The following CELSR1 variants were observed in gnomAD, a reference collection of about 807,000 sequenced individuals.
CELSR1 encodes the protein adhesion G protein-coupled receptor C1.
A neutral mutation model predicts 249.1 loss-of-function variants in CELSR1; 110 were observed. That is an observed-to-expected ratio of 0.44 (90% CI 0.38 to 0.52). The LOEUF is 0.52. Among genes scored for constraint, CELSR1 ranks in the 20% least tolerant of loss-of-function variants. The pLI, the probability that CELSR1 is intolerant of heterozygous loss-of-function variation, is 0.00. For synonymous variants in CELSR1, 2,113 were observed against 1,900.0 expected, an observed-to-expected ratio of 1.11 and a Z score of -2.92; for missense variants, 4,109 against 4,296.4, an observed-to-expected ratio of 0.96 and a Z score of 1.22.
intron 1 of CELSR1, among the ~76,000 whole-genome samples, chr22:46,480,819 A>C (rs1388612860): frequency 6.6e-6 from 1 of 152,226 alleles, no homozygotes. Flanking sequence ...CCAATTTAGC[A>C]CCACTTTTTT....
intron 1 of CELSR1, among the ~76,000 whole-genome samples, chr22:46,532,664 G>A (rs1013904186): frequency 1.3e-5 from 2 of 152,148 alleles, no homozygotes; most frequent in Non-Finnish European, 2.9e-5. Context: ...GCAGTAGTTT[G>A]GGCTTATAAA....
rs747018626 is a variant in CELSR1 at position 46,535,753 on chromosome 22, C to T, written c.1418G>A (p.Gly473Glu). 3.2e-5 allele frequency: 51 copies of T among 1,612,546 alleles called. No homozygotes were observed. The highest frequency in any genetic ancestry group is 4.2e-5 in the Non-Finnish European group (49 of 1,180,014). Reference sequence around the variant, plus strand: ...CACTCGCAGCACAGCCGTGTTGAGCCCCACGTCCTCGGGCACCTGGACCAC... The same window carrying T: ...CACTCGCAGCACAGCCGTGTTGAGCTCCACGTCCTCGGGCACCTGGACCAC... The part of the protein sequence containing the change: ...NYVVQVPEDV[G>E]LNTAVLRVQA... Residue 473 changes from glycine to glutamate, a missense_variant, in exon 1 of 35, where the codon GGG becomes GAG. By Grantham distance (98) the Gly-to-Glu change is moderately conservative (BLOSUM62 -2). Transcript: ENST00000674500.
intron 1 of CELSR1, among the ~76,000 whole-genome samples, chr22:46,493,087 T>G (rs980511757): frequency 6.6e-6 from 1 of 150,432 alleles, no homozygotes; most frequent in Non-Finnish European, 1.5e-5. Context: ...CTACAAAAAA[T>G]AAAAGTAAAA....
At chr22:46,483,347 T>C (rs1377378539) in intron 1 of CELSR1, among the ~76,000 whole-genome samples, 6 of 151,580 alleles carry the variant, frequency 4.0e-5, no homozygotes, top group Non-Finnish European at 7.4e-5. Context: ...GTCCTCACAG[T>C]TGAGCACACC....
At chr22:46,463,444 A>T (rs557126598) in intron 2 of CELSR1, among the ~76,000 whole-genome samples, 1 of 151,622 alleles carries the variant, frequency 6.6e-6, no homozygotes, top group African/African-American at 2.4e-5. Context: ...TGAACCGAGG[A>T]GGCGGAGGTT....
rs1415488041 is a variant in CELSR1 at position 46,448,756 on chromosome 22, CA to C, written c.4184-9346del. Among the ~76,000 whole-genome samples, 8 of 152,084 alleles carry C rather than the reference CA, an allele frequency of 5.3e-5. No homozygotes were observed. The highest frequency in any genetic ancestry group is 1.0e-4 in the Non-Finnish European group (7 of 68,004). Reference sequence around the variant, plus strand: ...AATTTCAAAGTCAGGTCATATCACGCAAATGCACAAAACCTGAAGTCAACTC... The same window carrying C: ...AATTTCAAAGTCAGGTCATATCACGCAATGCACAAAACCTGAAGTCAACTC... On this transcript the variant is annotated intron_variant, in intron 2 of 34. Coordinates refer to ENST00000674500, the MANE Select transcript of CELSR1 (RefSeq NM_001378328.1). The surrounding 1 kb of genome is among the most constrained non-coding windows in gnomAD (Gnocchi z 5.7).
At chr22:46,438,416 C>A (rs942005163) in intron 3 of CELSR1, among the ~76,000 whole-genome samples, 7 of 152,184 alleles carry the variant, frequency 4.6e-5, no homozygotes, top group Non-Finnish European at 8.8e-5. Context: ...CTGCCCACAG[C>A]CCCCACTGCT....
chr22:46,368,818 A>G (rs2078817176), intron 27 of CELSR1, among the ~76,000 whole-genome samples: 1 of 151,792 alleles, frequency 6.6e-6, no homozygotes, highest in Admixed American at 6.6e-5. Flanking sequence ...CAGTGGCCTC[A>G]GCAACACCCT....
intron 9 of CELSR1, among the ~76,000 whole-genome samples, chr22:46,405,261 C>T (rs2079252639): frequency 6.6e-6 from 1 of 151,022 alleles, no homozygotes; most frequent in African/African-American, 2.4e-5. Context: ...GAGACCGAGA[C>T]CATCCTGGCT....
intron 5 of CELSR1, among the ~76,000 whole-genome samples, chr22:46,422,192 A>G (rs981678274): frequency 2.0e-5 from 3 of 151,612 alleles, no homozygotes; most frequent in Admixed American, 1.3e-4. Flanking sequence ...TGCAACCTCT[A>G]CCTCCCAGGT....
Position 46,537,228 on chromosome 22 carries a change from CT to C in CELSR1, c.-59del. Reference sequence around the variant, plus strand: ...AACACAATCCATGCACCCGGCGCGCCTCCGCATCCACCCGGCGAGGCCGGGG... The same window carrying C: ...AACACAATCCATGCACCCGGCGCGCCCCGCATCCACCCGGCGAGGCCGGGG... On this transcript the variant is annotated 5_prime_UTR_variant, in exon 1 of 35. Transcript: ENST00000674500. The surrounding 1 kb of genome is among the most constrained non-coding windows in gnomAD (Gnocchi z 5.8). 9.8e-7 allele frequency: 1 copy of C among 1,015,950 alleles called. No individual in the cohort carries two copies. The highest frequency in any genetic ancestry group is 1.2e-6 in the Non-Finnish European group (1 of 851,376). The allele number at this position is 1,015,950 out of a possible 1,614,324, so 62.9% of individuals were successfully genotyped here.
At chr22:46,386,342 G>A in intron 19 of CELSR1, 60 bp downstream of exon 19, 1 of 1,441,730 alleles carries the variant, frequency 6.9e-7, no homozygotes, top group Non-Finnish European at 9.1e-7. Flanking sequence ...TGGGGGCCTA[G>A]CTCTGGGGCA....
At chr22:46,533,299 C>T (rs1387618167) in intron 1 of CELSR1, among the ~76,000 whole-genome samples, 2 of 152,224 alleles carry the variant, frequency 1.3e-5, no homozygotes, top group Non-Finnish European at 2.9e-5. Flanking sequence ...TCCTGTGACC[C>T]AGATCACCTG....
chr22:46,446,095 G>A lies in CELSR1; in HGVS notation c.4184-6684C>T, dbSNP rs553256561. Reference sequence around the variant, plus strand: ...TGCTCCATAAAGACCCCAGCCTAAGGGGTCCCAGGGCCCAGCCCCCAGCCA... The same window carrying A: ...TGCTCCATAAAGACCCCAGCCTAAGAGGTCCCAGGGCCCAGCCCCCAGCCA... On this transcript the variant is annotated intron_variant, in intron 2 of 34. Transcript: ENST00000674500. This position sits in a 1 kb window ranked among gnomAD's most constrained non-coding sequence, Gnocchi z 5.5. Among the ~76,000 whole-genome samples, 29 of 152,224 alleles carry A rather than the reference G, an allele frequency of 1.9e-4. No homozygotes were observed. The highest frequency in any genetic ancestry group is 6.7e-4 in the African/African-American group (28 of 41,534).
rs2079684097 is a variant in CELSR1, at chr22:46,437,936, C to A, written c.4406+1253G>T. On this transcript the variant is annotated intron_variant, in intron 3 of 34. Transcript: ENST00000674500. The surrounding 1 kb of genome is among the most constrained non-coding windows in gnomAD (Gnocchi z 4.9). The stretch of plus-strand genomic sequence containing the variant: ...GGACCAACTCAGTGCAGGCTTGTTT[C>A]CTGAGACTCAGCCCCTGGGTCATAC... 6.6e-6 allele frequency among the ~76,000 whole-genome samples: 1 copy of A among 152,144 alleles called. No individual in the cohort carries two copies. The highest frequency in any genetic ancestry group is 1.5e-5 in the Non-Finnish European group (1 of 68,028).
chr22:46,416,020 G>A (rs1472259718), intron 5 of CELSR1, among the ~76,000 whole-genome samples: 3 of 151,238 alleles, frequency 2.0e-5, no homozygotes, highest in Non-Finnish European at 2.9e-5. Context: ...GTGGGGTGGC[G>A]TGTCCGCCTC....
chr22:46,380,995 A>C lies in CELSR1; in HGVS notation c.7089-40T>G. ...CCAGAGCATGGGGACAAACACGGTG[A>C]GGAAACATCTGCTTAAATCCCGCGC... is the stretch of plus-strand genomic sequence containing the variant. On this transcript the variant is annotated intron_variant, in intron 21 of 34. Coordinates refer to ENST00000674500, the MANE Select transcript of CELSR1 (RefSeq NM_001378328.1). The surrounding 1 kb of genome is among the most constrained non-coding windows in gnomAD (Gnocchi z 5.1). 6.3e-7 allele frequency: 1 copy of C among 1,596,878 alleles called. No homozygotes were observed. Among genetic ancestry groups the C allele is most frequent in the Non-Finnish European group, 8.6e-7 (1 of 1,167,634 alleles).
At chr22:46,530,718 T>C (rs1488084012) in intron 1 of CELSR1, among the ~76,000 whole-genome samples, 2 of 152,230 alleles carry the variant, frequency 1.3e-5, no homozygotes, top group Non-Finnish European at 2.9e-5. Flanking sequence ...CACCAACAAC[T>C]ATCTAGTCAC....
At position 46,445,387 on chromosome 22, in the gene CELSR1, G is replaced by A. The variant is rs2079806885; in HGVS notation, c.4184-5976C>T. ...CGCATGCCTGTAGTCCCAGCTACTA[G>A]GCAGGCTGAGGCAGGAGAATCTCTT... On this transcript the variant is annotated intron_variant, in intron 2 of 34. Coordinates refer to ENST00000674500, the MANE Select transcript of CELSR1 (RefSeq NM_001378328.1). The surrounding 1 kb of genome is among the most constrained non-coding windows in gnomAD (Gnocchi z 4.4). 6.6e-6 allele frequency among the ~76,000 whole-genome samples: 1 copy of A among 152,146 alleles called. No individual in the cohort carries two copies. The highest frequency in any genetic ancestry group is 1.5e-5 in the Non-Finnish European group (1 of 68,024).
Sources: gnomAD v4.1 joint callset for allele counts (sites outside exome capture counted in the v4.1 genomes callset) on GRCh38, gnomAD v4.1.1 for gene constraint, Gnocchi (gnomAD v3.1) non-coding constraint, MANE v1.5 for transcripts, NCBI Gene and HGNC (gene_info 2026-07-23, HGNC 2026-07-21) for gene names.